Variants in PANX1 observed in about 807,000 individuals in gnomAD.
PANX1 encodes the protein pannexin-1.
Under a neutral mutation model 38.7 loss-of-function variants are expected in PANX1, and 30 were observed. That is an observed-to-expected ratio of 0.78 (90% CI 0.58 to 1.05). The LOEUF is 1.05. Ranked by LOEUF, PANX1 falls within the 50% of genes least tolerant of loss-of-function variation. The probability of loss-of-function intolerance (pLI) is 0.00; values close to 1 mark genes in which losing one functional copy is unlikely to be tolerated. For missense variants in PANX1, 551 were observed against 517.2 expected, an observed-to-expected ratio of 1.07 and a Z score of -0.63; for synonymous variants, 230 against 212.2, an observed-to-expected ratio of 1.08 and a Z score of -0.73.
chr11:94,147,815 C>G (rs73512249), intron 1 of PANX1, among the ~76,000 whole-genome samples: 1 of 152,094 alleles, frequency 6.6e-6, no homozygotes, highest in African/African-American at 2.4e-5. Flanking sequence ...TTGACAGTGC[C>G]GTGTCTGATC....
At chr11:94,143,962 T>G (rs894501151) in intron 1 of PANX1, among the ~76,000 whole-genome samples, 1 of 152,150 alleles carries the variant, frequency 6.6e-6, no homozygotes, top group Admixed American at 6.5e-5. Context: ...TTGCCCAGAC[T>G]GTTCTCAAAC....
chr11:94,180,840 C>G lies in PANX1; in HGVS notation c.1252C>G (p.Arg418Gly). 1 of 1,592,366 alleles carries G rather than the reference C, an allele frequency of 6.3e-7. No individual in the cohort carries two copies. Among genetic ancestry groups the G allele is most frequent in the Non-Finnish European group, 8.6e-7 (1 of 1,160,316 alleles). The change falls in exon 5 of 5, where the codon CGA becomes GGA. Residue 418 changes from arginine to glycine, a missense_variant. By Grantham distance (125) the Arg-to-Gly change is moderately radical. Coordinates refer to ENST00000227638, the MANE Select transcript of PANX1 (RefSeq NM_015368.4). ...TKANNGEKNA[R>G]QRLLDSSC is the part of the protein sequence containing the mutation. ...AGCAAATAATGGAGAGAAGAATGCC[C>G]GACAGAGACTTCTGGATTCTTCTTG... is the stretch of plus-strand genomic sequence containing the variant.
chr11:94,129,540 C>G (rs759700706), intron 1 of PANX1, 47 bp downstream of exon 1: 6 of 1,524,020 alleles, frequency 3.9e-6, no homozygotes, highest in South Asian at 1.2e-5. Flanking sequence ...CGGTCTGGCC[C>G]GGTGAGCTGC....
At position 94,181,857 on chromosome 11, in the gene PANX1, C is replaced by A. The variant is rs557410913; in HGVS notation, c.*988C>A. ...TTATTTTGTTTATATTTAAGCACAGCTTTAAAAAATTCATTATCGTTTATT... is the reference window on the plus strand; with the variant it reads ...TTATTTTGTTTATATTTAAGCACAGATTTAAAAAATTCATTATCGTTTATT... On this transcript the variant is annotated 3_prime_UTR_variant, in exon 5 of 5. Coordinates refer to ENST00000227638, the MANE Select transcript of PANX1 (RefSeq NM_015368.4). 1 of 152,126 alleles carries A rather than the reference C, an allele frequency of 6.6e-6. No homozygotes were observed. Among genetic ancestry groups the A allele is most frequent in the East Asian group, 1.9e-4 (1 of 5,196 alleles). 9.4% of individuals were successfully genotyped at this position (152,126 alleles called of 1,614,324 possible).
intron 2 of PANX1, among the ~76,000 whole-genome samples, chr11:94,156,970 T>A (rs1203336176): frequency 6.6e-6 from 1 of 151,394 alleles, no homozygotes; most frequent in Non-Finnish European, 1.5e-5. Flanking sequence ...AGCAAGAACA[T>A]GCGGTGTTTG....
chr11:94,164,812 C>T (rs1947084978), intron 2 of PANX1, among the ~76,000 whole-genome samples: 2 of 152,176 alleles, frequency 1.3e-5, no homozygotes, highest in Non-Finnish European at 2.9e-5. Flanking sequence ...GGCTTTATCC[C>T]TCTTTAGCTC....
chr11:94,157,296 C>A (rs1404099273), intron 2 of PANX1, among the ~76,000 whole-genome samples: 1 of 152,106 alleles, frequency 6.6e-6, no homozygotes. Flanking sequence ...GTTCTAGATC[C>A]CTGAGGAATC....
At chr11:94,148,330 T>G (rs865790282) in intron 1 of PANX1, among the ~76,000 whole-genome samples, 21 of 152,240 alleles carry the variant, frequency 1.4e-4, no homozygotes, top group African/African-American at 5.1e-4. Flanking sequence ...GAGATTCTTG[T>G]AACATTATTG....
At chr11:94,172,103 A>G (rs1459848474) in intron 2 of PANX1, among the ~76,000 whole-genome samples, 1 of 151,680 alleles carries the variant, frequency 6.6e-6, no homozygotes, top group Non-Finnish European at 1.5e-5. Flanking sequence ...TGGTTGGAGG[A>G]ATCCTCTGAG....
intron 1 of PANX1, among the ~76,000 whole-genome samples, chr11:94,149,123 A>G (rs1039782475): frequency 3.9e-5 from 6 of 152,176 alleles, no homozygotes; most frequent in African/African-American, 1.4e-4. Context: ...TGAGAATGAA[A>G]GAAAGCATGT....
At chr11:94,162,320 G>T (rs1039303135) in intron 2 of PANX1, among the ~76,000 whole-genome samples, 1 of 152,194 alleles carries the variant, frequency 6.6e-6, no homozygotes, top group Non-Finnish European at 1.5e-5. Flanking sequence ...CCCAGAGGTG[G>T]AGTCTACAGA....
At chr11:94,131,227 C>G (rs56175344) in intron 1 of PANX1, among the ~76,000 whole-genome samples, 18,332 of 152,198 alleles carry the variant, frequency 0.12, 1,129 homozygotes, top group Admixed American at 0.15. Flanking sequence ...TAGTCACCCT[C>G]TGTGACCAAT....
At position 94,168,878 on chromosome 11, in the gene PANX1, G is replaced by A. The variant is rs7124534; in HGVS notation, c.322-9491G>A. On this transcript the variant is annotated intron_variant, in intron 2 of 4. Transcript: ENST00000227638. ...TTCTAAGATACGGAAGTAACAAGAT[G>A]TGCTGATTGGACATGGGAAGATGAG... is the stretch of plus-strand genomic sequence containing the variant. Among the ~76,000 whole-genome samples the A allele has an allele frequency of 5.9e-5, 9 of 151,648 alleles. 2 individuals are homozygous for A. The highest frequency in any genetic ancestry group is 2.2e-4 in the African/African-American group (9 of 40,908).
intron 1 of PANX1, among the ~76,000 whole-genome samples, 171 bp from the exon 2 acceptor site, chr11:94,153,318 CTG>C (rs1463607153): frequency 6.6e-6 from 1 of 152,172 alleles, no homozygotes; most frequent in African/African-American, 2.4e-5. Context: ...CAAAACCACT[CTG>C]TGATCTTTTG....
In PANX1 at chr11:94,134,709, C is replaced by G. The variant is rs370193364; in HGVS notation, c.181+5216C>G. Among the ~76,000 whole-genome samples the G allele has an allele frequency of 5.5e-4, 83 of 151,058 alleles. 1 individual carries two copies. The highest frequency in any genetic ancestry group is 1.9e-3 in the African/African-American group (79 of 41,038). On this transcript the variant is annotated intron_variant, in intron 1 of 4. Transcript: ENST00000227638. ...CTTTCCCTCTCTCTCCCACTACCCC[C>G]CTTCCTCTCTTCTTCCCTCTTCCTC...
chr11:94,162,504 G>A (rs1178168138), intron 2 of PANX1, among the ~76,000 whole-genome samples: 1 of 152,226 alleles, frequency 6.6e-6, no homozygotes, highest in Non-Finnish European at 1.5e-5. Flanking sequence ...CGTGGGCGTA[G>A]GACCCTCCGA....
chr11:94,132,262 A>C (rs529025556), intron 1 of PANX1, among the ~76,000 whole-genome samples: 3 of 152,344 alleles, frequency 2.0e-5, no homozygotes, highest in African/African-American at 7.2e-5. Context: ...AGCACGGTCT[A>C]GTAGAGAAGT....
chr11:94,164,660 A>G (rs1392599059), intron 2 of PANX1, among the ~76,000 whole-genome samples: 1 of 152,210 alleles, frequency 6.6e-6, no homozygotes, highest in Non-Finnish European at 1.5e-5. Flanking sequence ...TTCTGCAGCT[A>G]TTGCATGAAA....
intron 2 of PANX1, among the ~76,000 whole-genome samples, chr11:94,168,447 G>A (rs1947127108): frequency 6.6e-6 from 1 of 151,114 alleles, no homozygotes; most frequent in South Asian, 2.1e-4. Flanking sequence ...AATAGAGGCA[G>A]GGAGAGCCAC....
Sources: allele counts gnomAD v4.1 joint callset (sites outside exome capture counted in the v4.1 genomes callset), GRCh38; gene constraint gnomAD v4.1.1; transcripts MANE v1.5; gene names NCBI Gene and HGNC (gene_info 2026-07-23, HGNC 2026-07-21).